The following PCDH7 variants were observed in gnomAD, a reference collection of about 807,000 sequenced individuals.
The protein encoded by PCDH7 is protocadherin-7.
Under a neutral mutation model 58.9 loss-of-function variants are expected in PCDH7, and 17 were observed. The observed-to-expected ratio is 0.29, with a 90% confidence interval of 0.20 to 0.43. PCDH7 has a LOEUF of 0.43. Ranked by LOEUF, PCDH7 falls within the 20% of genes least tolerant of loss-of-function variation. The pLI is 1.00. For missense variants in PCDH7, 1,274 were observed against 1,441.0 expected (o/e 0.88, Z 1.88); for synonymous variants, 664 against 616.4 (o/e 1.08, Z -1.14).
intron 3 of PCDH7, among the ~76,000 whole-genome samples, chr4:31,014,479 G>A (rs535049311): frequency 1.2e-3 from 183 of 152,190 alleles, no homozygotes; most frequent in African/African-American, 4.1e-3. Flanking sequence ...GAAGAGAAGT[G>A]GAGAGGAGGA....
At chr4:31,059,981 A>G (rs1355223011) in intron 3 of PCDH7, among the ~76,000 whole-genome samples, 1 of 151,804 alleles carries the variant, frequency 6.6e-6, no homozygotes, top group Non-Finnish European at 1.5e-5. Flanking sequence ...ATTGAAGCAT[A>G]ATGATGGCTA....
chr4:30,832,378 T>G (rs1346692325), intron 1 of PCDH7, among the ~76,000 whole-genome samples: 1 of 152,196 alleles, frequency 6.6e-6, no homozygotes, highest in African/African-American at 2.4e-5. Flanking sequence ...ATACATCTGG[T>G]ATATTCTGAA....
At chr4:30,865,148 T>C (rs953357194) in intron 1 of PCDH7, among the ~76,000 whole-genome samples, 1 of 151,946 alleles carries the variant, frequency 6.6e-6, no homozygotes, top group African/African-American at 2.4e-5. Context: ...AAAATAATTT[T>C]GAAGAGGAAG....
rs1298746783 is a variant in PCDH7, at chr4:30,999,472, C to T, written c.*7+49257C>T. The stretch of plus-strand genomic sequence containing the variant: ...ATTTCTCAGGACATTCACAAATATG[C>T]AGGGGAAATAAAGACCAAATTGTCG... On this transcript the variant is annotated intron_variant, in intron 3 of 3. Coordinates refer to the PCDH7 transcript ENST00000509759. Among the ~76,000 whole-genome samples, 4 of 151,954 alleles carry T rather than the reference C, an allele frequency of 2.6e-5. No homozygotes were observed. The East Asian group carries it at 7.7e-4, about 29-fold the overall frequency.
chr4:31,034,415 G>A (rs1288404737), intron 3 of PCDH7, among the ~76,000 whole-genome samples: 1 of 152,150 alleles, frequency 6.6e-6, no homozygotes, highest in Non-Finnish European at 1.5e-5. Context: ...GATATAAACA[G>A]AAATTGTGTG....
At chr4:30,927,921 G>A (rs537454244) in intron 2 of PCDH7, among the ~76,000 whole-genome samples, 2 of 152,156 alleles carry the variant, frequency 1.3e-5, no homozygotes, top group East Asian at 1.9e-4. Context: ...TCTTCTATTT[G>A]GTAAAGGAAC....
At chr4:31,031,553 G>A (rs1754918814) in intron 3 of PCDH7, among the ~76,000 whole-genome samples, 1 of 152,198 alleles carries the variant, frequency 6.6e-6, no homozygotes, top group African/African-American at 2.4e-5. Flanking sequence ...GATGCGGACA[G>A]ATGTTGATGT....
rs114672386 is a variant in PCDH7 at position 30,880,833 on chromosome 4, T to C, written c.71-39320T>C. ...CACAGAGAGTATAAAAATGAATTGATTGGCGTACTTAAATGAAAGCCAAGA... is the reference window on the plus strand; with the variant it reads ...CACAGAGAGTATAAAAATGAATTGACTGGCGTACTTAAATGAAAGCCAAGA... On this transcript the variant is annotated intron_variant, in intron 1 of 3. Coordinates refer to the PCDH7 transcript ENST00000509759. 9.8e-3 allele frequency among the ~76,000 whole-genome samples: 1,497 copies of C among 152,242 alleles called. 22 individuals are homozygous for C. Among genetic ancestry groups the C allele is most frequent in the African/African-American group, 0.034 (1,414 of 41,556 alleles).
At chr4:31,065,170 C>T (rs1757980277) in intron 3 of PCDH7, among the ~76,000 whole-genome samples, 1 of 151,930 alleles carries the variant, frequency 6.6e-6, no homozygotes, top group East Asian at 1.9e-4. Context: ...AATGCAAGAA[C>T]ACCAGAAATT....
intron 2 of PCDH7, among the ~76,000 whole-genome samples, chr4:30,939,322 G>T (rs1040671501): frequency 6.6e-6 from 1 of 152,024 alleles, no homozygotes; most frequent in African/African-American, 2.4e-5. Context: ...CTCAGCACTG[G>T]AATCCAGCCA....
At chr4:31,127,611 A>G (rs1718454112) in intron 3 of PCDH7, among the ~76,000 whole-genome samples, 1 of 152,188 alleles carries the variant, frequency 6.6e-6, no homozygotes. Flanking sequence ...ATTGAAATCT[A>G]GGGAATTAAG....
At chr4:30,948,021 T>C (rs1446186590) in intron 2 of PCDH7, among the ~76,000 whole-genome samples, 4 of 152,246 alleles carry the variant, frequency 2.6e-5, no homozygotes, top group African/African-American at 9.6e-5. Flanking sequence ...TTTGGAGTTA[T>C]CCTTCTATGT....
At chr4:30,963,613 G>A (rs1452299744) in intron 3 of PCDH7, among the ~76,000 whole-genome samples, 1 of 152,050 alleles carries the variant, frequency 6.6e-6, no homozygotes, top group Non-Finnish European at 1.5e-5. Flanking sequence ...AATGCAAATG[G>A]TGTGGCTACA....
exon 2 of PCDH7, chr4:30,732,624 T>C (rs1715674992): frequency 6.6e-6 from 1 of 152,246 alleles, no homozygotes; most frequent in Non-Finnish European, 1.5e-5. Flanking sequence ...AATATTGACT[T>C]GTGCAATTTT....
intron 2 of PCDH7, among the ~76,000 whole-genome samples, chr4:30,946,317 C>G (rs1746669677): frequency 6.6e-6 from 1 of 152,130 alleles, no homozygotes; most frequent in Non-Finnish European, 1.5e-5. Context: ...CCTAACTAAA[C>G]TCCCTGTAAT....
At chr4:30,845,891 C>T (rs1731881398) in intron 1 of PCDH7, among the ~76,000 whole-genome samples, 1 of 152,066 alleles carries the variant, frequency 6.6e-6, no homozygotes, top group Admixed American at 6.6e-5. Flanking sequence ...CCACACTTGG[C>T]CTCTCTATTC....
intron 1 of PCDH7, among the ~76,000 whole-genome samples, chr4:30,854,482 G>T (rs750700777): frequency 1.4e-4 from 21 of 151,246 alleles, no homozygotes; most frequent in African/African-American, 5.1e-4. Context: ...TATTCCTCCC[G>T]TATCATATTT....
downstream of PCDH7, among the ~76,000 whole-genome samples, chr4:30,736,732 A>T (rs982893786): frequency 2.6e-5 from 4 of 151,678 alleles, no homozygotes; most frequent in Non-Finnish European, 4.4e-5. Context: ...GAGACGGGGT[A>T]TCACCGTGTC....
intron 1 of PCDH7, among the ~76,000 whole-genome samples, chr4:30,758,257 G>A (rs1400898925): frequency 6.6e-6 from 1 of 152,144 alleles, no homozygotes; most frequent in Non-Finnish European, 1.5e-5. Flanking sequence ...AAACCTGTAT[G>A]GGATACTTGA....
Sources: allele counts gnomAD v4.1 joint callset (sites outside exome capture counted in the v4.1 genomes callset), GRCh38; gene constraint gnomAD v4.1.1; transcripts MANE v1.5; gene names NCBI Gene and HGNC (gene_info 2026-07-23, HGNC 2026-07-21).